The following VCAM1 variants were observed in gnomAD, a reference collection of about 807,000 sequenced individuals.
The protein encoded by VCAM1 is vascular cell adhesion protein 1.
A neutral mutation model predicts 63.8 loss-of-function variants in VCAM1; 41 were observed. The observed-to-expected ratio is 0.64, with a 90% confidence interval of 0.50 to 0.83. The LOEUF is 0.83. Among genes scored for constraint, VCAM1 ranks in the 40% least tolerant of loss-of-function variants. The pLI, the probability that VCAM1 is intolerant of heterozygous loss-of-function variation, is 0.00. For missense variants in VCAM1, 798 were observed against 875.5 expected (o/e 0.91, Z 1.12); for synonymous variants, 338 against 320.7 (o/e 1.05, Z -0.58).
At chr1:100,724,239 T>C (rs897194532) in intron 3 of VCAM1, among the ~76,000 whole-genome samples, 9 of 151,970 alleles carry the variant, frequency 5.9e-5, no homozygotes, top group African/African-American at 2.2e-4. Flanking sequence ...TGTGCTAATA[T>C]GTAGAGCTGT....
intron 1 of VCAM1, among the ~76,000 whole-genome samples, chr1:100,720,260 C>T (rs1337070172): frequency 1.3e-5 from 2 of 152,024 alleles, no homozygotes; most frequent in African/African-American, 2.4e-5. Flanking sequence ...GATAAATGGG[C>T]ATCAAGGTTG....
At position 100,731,361 on chromosome 1, in the gene VCAM1, G is replaced by A. The variant is rs757788869; in HGVS notation, c.1368G>A (p.Thr456=). 92 of 1,613,572 alleles carry A rather than the reference G, an allele frequency of 5.7e-5. No homozygotes were observed. The highest frequency in any genetic ancestry group is 1.7e-4 in the African/African-American group (13 of 74,842). Residue 456 remains threonine, a synonymous_variant, in exon 6 of 9, where the codon ACG becomes ACA. Transcript: ENST00000294728. This position sits in a 1 kb window ranked among gnomAD's most constrained non-coding sequence, Gnocchi z 4.2. Reference sequence around the variant, plus strand: ...AGAATATAGAGTTTTTGGAGGATACGGATATGAAATCTCTAGAGAACAAAA... The same window carrying A: ...AGAATATAGAGTTTTTGGAGGATACAGATATGAAATCTCTAGAGAACAAAA... ...ILENIEFLED[T]DMKSLENKSL... is the part of the protein sequence containing the mutation.
chr1:100,726,668 C>G (rs1660171844), intron 4 of VCAM1, among the ~76,000 whole-genome samples: 1 of 151,962 alleles, frequency 6.6e-6, no homozygotes, highest in African/African-American at 2.4e-5. Flanking sequence ...CTGTTCAGTT[C>G]AACAAATATT....
At position 100,738,154 on chromosome 1, in the gene VCAM1, T is replaced by A; in HGVS notation, c.2091T>A (p.Pro697=). The A allele has an allele frequency of 6.2e-7, 1 of 1,613,530 alleles. No individual in the cohort carries two copies. Among genetic ancestry groups the A allele is most frequent in the Non-Finnish European group, 8.5e-7 (1 of 1,179,636 alleles). ...GRENNKDYFS[P]ELLVLYFASS... ...AAAACAACAAAGACTATTTTTCTCCTGAGCTTCTCGTGCTCTATTTTGCAT... is the reference window on the plus strand; with the variant it reads ...AAAACAACAAAGACTATTTTTCTCCAGAGCTTCTCGTGCTCTATTTTGCAT... The change falls in exon 9 of 9, where the codon CCT becomes CCA. Residue 697 remains proline (P), a synonymous_variant. Coordinates refer to ENST00000294728, the MANE Select transcript of VCAM1 (RefSeq NM_001078.4).
intron 3 of VCAM1, 129 bp downstream of exon 3, chr1:100,723,469 C>A: frequency 1.0e-6 from 1 of 990,358 alleles, no homozygotes; most frequent in Non-Finnish European, 1.5e-6. Flanking sequence ...TGTATTCATT[C>A]ACAACATAAT....
intron 4 of VCAM1, among the ~76,000 whole-genome samples, chr1:100,725,621 C>T (rs1178728354): frequency 6.6e-6 from 1 of 152,026 alleles, no homozygotes; most frequent in African/African-American, 2.4e-5. Flanking sequence ...TACCACAACA[C>T]TATTAAAAAC....
At position 100,737,991 on chromosome 1, in the gene VCAM1, G is replaced by A; in HGVS notation, c.2060-132G>A. On this transcript the variant is annotated intron_variant, in intron 8 of 8. Coordinates refer to ENST00000294728, the MANE Select transcript of VCAM1 (RefSeq NM_001078.4). Reference sequence around the variant, plus strand: ...CAAACATGCATCTTGGGTCCTGATGGTCCTTATCACTGCTTTGATTCCCTT... The same window carrying A: ...CAAACATGCATCTTGGGTCCTGATGATCCTTATCACTGCTTTGATTCCCTT... 1.4e-5 allele frequency: 14 copies of A among 984,532 alleles called. No individual in the cohort carries two copies. The South Asian group carries it at 2.3e-4, about 16-fold the overall frequency. The allele number at this position is 984,532 out of a possible 1,614,324, so 61.0% of individuals were successfully genotyped here.
chr1:100,729,780 T>C (rs1200689104), intron 5 of VCAM1, among the ~76,000 whole-genome samples: 2 of 151,980 alleles, frequency 1.3e-5, no homozygotes, highest in African/African-American at 2.4e-5. Flanking sequence ...GCACATTTGA[T>C]GAGCTGTCTG....
chr1:100,738,110 T>A lies in VCAM1; in HGVS notation c.2060-13T>A, dbSNP rs764110707. The A allele has an allele frequency of 1.9e-6, 3 of 1,611,304 alleles. No homozygotes were observed. In the South Asian group the frequency reaches 3.3e-5, roughly 18 times the overall value. On this transcript the variant is annotated splice_polypyrimidine_tract_variant and intron_variant, in intron 8 of 8. Transcript: ENST00000294728. ...TACTAGACATTAATTGCATCCATTT[T>A]GTTATTTTCCAGGAAGAGAAAACAA... is the stretch of plus-strand genomic sequence containing the variant.
intron 8 of VCAM1, chr1:100,737,495 G>T (rs1660698750): frequency 6.6e-6 from 1 of 152,048 alleles, no homozygotes; most frequent in African/African-American, 2.4e-5. Context: ...ACATAACACT[G>T]TCCAAAGAAC....
chr1:100,733,953 G>A (rs1660555971), intron 7 of VCAM1, among the ~76,000 whole-genome samples: 1 of 152,128 alleles, frequency 6.6e-6, no homozygotes, highest in African/African-American at 2.4e-5. Context: ...TATAAAAGAG[G>A]TTTAATACAG....
chr1:100,732,351 C>A, intron 6 of VCAM1, 67 bp from the exon 7 acceptor site: 2 of 1,451,014 alleles, frequency 1.4e-6, no homozygotes, highest in Non-Finnish European at 1.8e-6. Context: ...AGTTTTGCAA[C>A]ATTATTAAAA....
In VCAM1 at chr1:100,720,007, A is replaced by G. The variant is rs1659902291; in HGVS notation, c.64+83A>G. On this transcript the variant is annotated intron_variant, in intron 1 of 8. Transcript: ENST00000294728. ...TGGCTTCAGTCAGTTTTGCGATAGT[A>G]GTGAAGTAAAGACACTAGGATTTTA... The G allele has an allele frequency of 2.1e-6, 3 of 1,417,408 alleles. No individual in the cohort carries two copies. The South Asian group carries it at 3.7e-5, about 17-fold the overall frequency. The allele number at this position is 1,417,408 out of a possible 1,614,324, so 87.8% of individuals were successfully genotyped here.
intron 8 of VCAM1, chr1:100,736,824 C>T (rs932033830): frequency 4.6e-5 from 7 of 152,232 alleles, no homozygotes; most frequent in Non-Finnish European, 2.9e-5. Flanking sequence ...ATCTGATGCT[C>T]GTGATTCTTT....
At chr1:100,735,089 T>G (rs1660602727) in intron 8 of VCAM1, 1 of 257,716 alleles carries the variant, frequency 3.9e-6, no homozygotes, top group Non-Finnish European at 7.4e-6. Context: ...ACTAAAGAAG[T>G]AGGATTGGCA....
rs1660440257 is a variant in VCAM1, at chr1:100,731,209, G to A, written c.1216G>A (p.Asp406Asn). 3 of 1,602,050 alleles carry A rather than the reference G, an allele frequency of 1.9e-6. No individual in the cohort carries two copies. The highest frequency in any genetic ancestry group is 1.1e-5 in the South Asian group (1 of 88,772). ...CTTGCGATTTGCAGCATTCCCTAGAGATCCAGAAATCGAGATGAGTGGTGG... is the reference window on the plus strand; with the variant it reads ...CTTGCGATTTGCAGCATTCCCTAGAAATCCAGAAATCGAGATGAGTGGTGG... The part of the protein sequence containing the change: ...IQVELYSFPR[D>N]PEIEMSGGLV... The change falls in exon 6 of 9, where the codon GAT becomes AAT. Residue 406 changes from aspartate to asparagine, a missense_variant. Physicochemically the swap from Asp to Asn is conservative, Grantham distance 23 (BLOSUM62 1). Transcript: ENST00000294728. The surrounding 1 kb of genome is among the most constrained non-coding windows in gnomAD (Gnocchi z 4.2).
intron 5 of VCAM1, among the ~76,000 whole-genome samples, chr1:100,729,644 C>T (rs1368033052): frequency 6.6e-6 from 1 of 152,100 alleles, no homozygotes; most frequent in African/African-American, 2.4e-5. Flanking sequence ...CTTGAACACA[C>T]TCCATGCTGG....
In VCAM1 at chr1:100,738,207, T is replaced by C. The variant is rs1557909460; in HGVS notation, c.2144T>C (p.Met715Thr). ...TCCTTAATAATACCTGCCATTGGAA[T>C]GATAATTTACTTTGCAAGAAAAGCC... The part of the protein sequence containing the change: ...ASSLIIPAIG[M>T]IIYFARKANM... The change falls in exon 9 of 9, where the codon ATG becomes ACG. Residue 715 changes from methionine (M) to threonine (T), a missense_variant. Physicochemically the swap from Met to Thr is moderately conservative, Grantham distance 81. Transcript: ENST00000294728. The C allele has an allele frequency of 6.2e-7, 1 of 1,613,872 alleles. No homozygotes were observed. The highest frequency in any genetic ancestry group is 8.5e-7 in the Non-Finnish European group (1 of 1,179,806).
intron 8 of VCAM1, chr1:100,737,874 A>C: frequency 3.4e-6 from 1 of 293,280 alleles, no homozygotes; most frequent in South Asian, 6.9e-5. Flanking sequence ...ACCTGAATCT[A>C]TTTGAATCCA....
Sources: gnomAD v4.1 joint callset for allele counts (sites outside exome capture counted in the v4.1 genomes callset) on GRCh38, gnomAD v4.1.1 for gene constraint, Gnocchi (gnomAD v3.1) non-coding constraint, MANE v1.5 for transcripts, NCBI Gene and HGNC (gene_info 2026-07-23, HGNC 2026-07-21) for gene names.